CTNNA2: variants seen among roughly 807,000 people sequenced by gnomAD.
The protein encoded by CTNNA2 is catenin alpha-2.
CTNNA2 carries 42 observed loss-of-function variants against 101.0 expected under a neutral mutation model. The ratio of observed to expected loss-of-function variants is 0.42; its 90% CI spans 0.32 to 0.54. The LOEUF is 0.54. Ranked by LOEUF, CTNNA2 falls within the 20% of genes least tolerant of loss-of-function variation. CTNNA2 has a pLI of 0.14. For synonymous variants in CTNNA2, 450 were observed against 456.4 expected, an observed-to-expected ratio of 0.99 and a Z score of 0.18; for missense variants, 871 against 1,223.1, an observed-to-expected ratio of 0.71 and a Z score of 4.29.
chr2:80,327,216 A>G (rs2149256293), intron 7 of CTNNA2, among the ~76,000 whole-genome samples: 1 of 152,372 alleles, frequency 6.6e-6, no homozygotes, highest in Non-Finnish European at 1.5e-5. Context: ...CACAGGCATG[A>G]GCAAGTGGAT....
At chr2:80,055,231 G>C (rs908044644) in intron 7 of CTNNA2, among the ~76,000 whole-genome samples, 4 of 152,054 alleles carry the variant, frequency 2.6e-5, no homozygotes, top group Non-Finnish European at 5.9e-5. Context: ...GTCTCACTAT[G>C]TTGTCCAGGC....
Position 79,776,799 on chromosome 2 carries a change from CTCTAACCCTTTT to C in CTNNA2, c.298+32218_298+32229del, listed in dbSNP as rs1436136432. ...TAGGAGATAAAAGTATTAGCTTAAT[CTCTAACCCTTTT>C]AGTTATTTGAGCCAAACCCACATGG... On this transcript the variant is annotated intron_variant, in intron 3 of 18. Coordinates refer to ENST00000402739, the MANE Select transcript of CTNNA2 (RefSeq NM_001282597.3). Among the ~76,000 whole-genome samples the C allele has an allele frequency of 3.9e-5, 6 of 152,282 alleles. No individual in the cohort carries two copies. The East Asian group carries it at 9.6e-4, about 24-fold the overall frequency.
At chr2:79,639,202 G>C (rs950705049) in intron 1 of CTNNA2, among the ~76,000 whole-genome samples, 1 of 152,110 alleles carries the variant, frequency 6.6e-6, no homozygotes, top group Non-Finnish European at 1.5e-5. Context: ...CTTGGTGAAT[G>C]GTTCCTGCTT....
At chr2:79,897,603 G>A (rs960374041) in intron 6 of CTNNA2, among the ~76,000 whole-genome samples, 9 of 152,094 alleles carry the variant, frequency 5.9e-5, no homozygotes, top group Non-Finnish European at 1.3e-4. Context: ...AAGCTGAGAC[G>A]CTTTTAGCAT....
Position 80,546,083 on chromosome 2 carries a change from C to T in CTNNA2, c.1540+20C>T, listed in dbSNP as rs1313170342. The T allele has an allele frequency of 1.2e-6, 2 of 1,612,414 alleles. No individual in the cohort carries two copies. Among genetic ancestry groups the T allele is most frequent in the African/African-American group, 1.3e-5 (1 of 75,002 alleles). On this transcript the variant is annotated intron_variant, in intron 11 of 18. Coordinates refer to ENST00000402739, the MANE Select transcript of CTNNA2 (RefSeq NM_001282597.3). Reference sequence around the variant, plus strand: ...TCTCAGGTAATCATCACAAACAGGTCCCTTACAAGGCAGCTGGAGGAGGGT... The same window carrying T: ...TCTCAGGTAATCATCACAAACAGGTTCCTTACAAGGCAGCTGGAGGAGGGT...
At chr2:79,249,162 G>A (rs1674737116) in intron 2 of CTNNA2, among the ~76,000 whole-genome samples, 1 of 146,300 alleles carries the variant, frequency 6.8e-6, no homozygotes, top group South Asian at 2.2e-4. Flanking sequence ...TAGTGGACAG[G>A]ATTAAATAGA....
intron 7 of CTNNA2, among the ~76,000 whole-genome samples, chr2:79,933,380 T>C (rs916979704): frequency 6.6e-5 from 10 of 152,124 alleles, no homozygotes; most frequent in African/African-American, 2.4e-4. Context: ...AAATTGAATC[T>C]CACAGAGTTA....
At chr2:79,982,192 C>CCATATATA (rs1342309215) in intron 7 of CTNNA2, among the ~76,000 whole-genome samples, 4 of 75,074 alleles carry the variant, frequency 5.3e-5, no homozygotes, top group East Asian at 5.4e-4. Flanking sequence ...GCATGTGCCA[C>CCATATATA]TATATATATA....
intron 7 of CTNNA2, among the ~76,000 whole-genome samples, chr2:80,333,170 T>C (rs768016098): frequency 6.6e-6 from 1 of 152,210 alleles, no homozygotes. Flanking sequence ...TGTATTGGTC[T>C]ATTGACTCAG....
chr2:79,303,394 T>C (rs1385898676), intron 2 of CTNNA2, among the ~76,000 whole-genome samples: 2 of 152,168 alleles, frequency 1.3e-5, no homozygotes, highest in South Asian at 4.1e-4. Flanking sequence ...ATTTTGGTCT[T>C]GAAGTCTCTA....
intron 4 of CTNNA2, among the ~76,000 whole-genome samples, chr2:79,391,318 G>A (rs1182825964): frequency 1.3e-5 from 2 of 152,076 alleles, no homozygotes; most frequent in Admixed American, 6.6e-5. Flanking sequence ...GAGACAAGAA[G>A]GATAAGACCT....
intron 3 of CTNNA2, among the ~76,000 whole-genome samples, chr2:79,850,927 A>C (rs781550399): frequency 6.6e-6 from 1 of 152,296 alleles, no homozygotes; most frequent in Non-Finnish European, 1.5e-5. Flanking sequence ...GAGATCCTAA[A>C]GTGGAAGGAA....
chr2:79,379,307 T>C (rs1002388621), intron 4 of CTNNA2, among the ~76,000 whole-genome samples: 7 of 152,252 alleles, frequency 4.6e-5, no homozygotes, highest in African/African-American at 1.4e-4. Context: ...GCGTTATGAA[T>C]GTATAATATT....
At chr2:79,554,630 T>C (rs1674327814) in intron 1 of CTNNA2, among the ~76,000 whole-genome samples, 1 of 152,120 alleles carries the variant, frequency 6.6e-6, no homozygotes, top group Non-Finnish European at 1.5e-5. Flanking sequence ...TCAAGGTTCC[T>C]ACAGGAATAC....
At chr2:80,406,184 CAT>C (rs950014028) in intron 8 of CTNNA2, among the ~76,000 whole-genome samples, 11 of 151,876 alleles carry the variant, frequency 7.2e-5, no homozygotes, top group African/African-American at 2.7e-4. Flanking sequence ...GGTGAAACCC[CAT>C]CTCTACTAAA....
chr2:80,147,767 A>G (rs1238341885), intron 7 of CTNNA2, among the ~76,000 whole-genome samples: 1 of 151,926 alleles, frequency 6.6e-6, no homozygotes, highest in Non-Finnish European at 1.5e-5. Flanking sequence ...CTCAGCCCCT[A>G]CCTCCCTGCA....
intron 3 of CTNNA2, among the ~76,000 whole-genome samples, chr2:79,849,269 T>C (rs959789152): frequency 1.6e-4 from 24 of 151,690 alleles, no homozygotes; most frequent in Non-Finnish European, 3.1e-4. Context: ...TTACATAGTT[T>C]TGGTATGGCT....
chr2:80,568,675 C>CA (rs1488082517), intron 12 of CTNNA2, among the ~76,000 whole-genome samples: 1 of 151,866 alleles, frequency 6.6e-6, no homozygotes, highest in Admixed American at 6.6e-5. Flanking sequence ...GAAGGCTTCA[C>CA]AATGGCAATT....
chr2:79,631,535 C>T (rs978190665), intron 1 of CTNNA2, among the ~76,000 whole-genome samples: 8 of 152,072 alleles, frequency 5.3e-5, no homozygotes, highest in Admixed American at 2.6e-4. Flanking sequence ...ACATTTTAGA[C>T]GGAGGAGCTG....
Sources: allele counts gnomAD v4.1 joint callset (sites outside exome capture counted in the v4.1 genomes callset), GRCh38; gene constraint gnomAD v4.1.1; transcripts MANE v1.5; gene names NCBI Gene and HGNC (gene_info 2026-07-23, HGNC 2026-07-21).